CERS6: variants seen among roughly 807,000 people sequenced by gnomAD.
CERS6 encodes the protein LAG1 homolog, ceramide synthase 6.
In CERS6, 26 loss-of-function variants were observed where a neutral mutation model predicts 56.8. That is an observed-to-expected ratio of 0.46 (90% CI 0.34 to 0.63). The LOEUF (loss-of-function observed/expected upper bound fraction) is 0.63. Ranked by LOEUF, CERS6 falls within the 30% of genes least tolerant of loss-of-function variation. The pLI is 0.01. For synonymous variants in CERS6, 164 were observed against 173.3 expected, an observed-to-expected ratio of 0.95 and a Z score of 0.42; for missense variants, 415 against 467.5, an observed-to-expected ratio of 0.89 and a Z score of 1.04.
intron 3 of CERS6, among the ~76,000 whole-genome samples, chr2:168,563,265 C>G (rs1695824895): frequency 6.6e-6 from 1 of 152,144 alleles, no homozygotes; most frequent in African/African-American, 2.4e-5. Context: ...TCTATCTCTT[C>G]TCCATGAATT....
chr2:168,515,053 G>T (rs1694861684), intron 1 of CERS6, among the ~76,000 whole-genome samples: 1 of 152,088 alleles, frequency 6.6e-6, no homozygotes, highest in African/African-American at 2.4e-5. Context: ...TTTGTAATTG[G>T]TTTTTGATAT....
chr2:168,746,781 A>ATG (rs1684109493), intron 8 of CERS6, among the ~76,000 whole-genome samples: 1 of 61,738 alleles, frequency 1.6e-5, no homozygotes, highest in Non-Finnish European at 3.1e-5. Flanking sequence ...AAGGGTATAT[A>ATG]TATATATATA....
intron 1 of CERS6, among the ~76,000 whole-genome samples, chr2:168,462,864 T>G (rs1004973876): frequency 6.6e-5 from 10 of 152,212 alleles, no homozygotes; most frequent in Non-Finnish European, 1.2e-4. Flanking sequence ...TTTTTGGGGT[T>G]TCTTGTTACT....
chr2:168,616,646 A>G (rs772751852), intron 3 of CERS6, among the ~76,000 whole-genome samples: 2 of 152,216 alleles, frequency 1.3e-5, no homozygotes, highest in African/African-American at 2.4e-5. Flanking sequence ...AAAGAGGAAC[A>G]TTATATAATG....
intron 1 of CERS6, among the ~76,000 whole-genome samples, chr2:168,479,440 TGAAGCCATTCCTAGGA>T (rs1189845352): frequency 6.6e-6 from 1 of 152,232 alleles, no homozygotes; most frequent in East Asian, 1.9e-4. Context: ...ATGACAAATT[TGAAGCCATTCCTAGGA>T]GAATCCATTT....
intron 1 of CERS6, among the ~76,000 whole-genome samples, chr2:168,500,590 A>T (rs1292299365): frequency 1.3e-5 from 2 of 152,336 alleles, no homozygotes; most frequent in East Asian, 3.9e-4. Flanking sequence ...TAGGGGGACA[A>T]TTACAAGGAG....
intron 4 of CERS6, among the ~76,000 whole-genome samples, chr2:168,651,316 A>G (rs1685335034): frequency 6.6e-6 from 1 of 152,130 alleles, no homozygotes; most frequent in Non-Finnish European, 1.5e-5. Context: ...ACCAAGCCAC[A>G]TGTTTATTTT....
chr2:168,645,616 G>A (rs909188781), intron 4 of CERS6, among the ~76,000 whole-genome samples: 2 of 152,264 alleles, frequency 1.3e-5, no homozygotes, highest in East Asian at 1.9e-4. Context: ...GGGGTTTGTT[G>A]TATAGATTAT....
intron 6 of CERS6, among the ~76,000 whole-genome samples, chr2:168,714,270 G>A (rs1283958572): frequency 6.6e-6 from 1 of 152,104 alleles, no homozygotes; most frequent in East Asian, 1.9e-4. Flanking sequence ...CATGAATTTG[G>A]TGGGCACACA....
intron 8 of CERS6, among the ~76,000 whole-genome samples, chr2:168,757,958 A>T (rs1684463374): frequency 6.6e-6 from 1 of 152,286 alleles, no homozygotes; most frequent in South Asian, 2.1e-4. Flanking sequence ...CCAAGATGTT[A>T]TTTAAGCCTG....
At chr2:168,638,123 G>C (rs1198222294) in intron 4 of CERS6, among the ~76,000 whole-genome samples, 1 of 151,986 alleles carries the variant, frequency 6.6e-6, no homozygotes, top group Non-Finnish European at 1.5e-5. Flanking sequence ...TTATTTATCT[G>C]CTACTTTCAA....
intron 1 of CERS6, among the ~76,000 whole-genome samples, chr2:168,469,437 G>T (rs76676063): frequency 9.1e-4 from 139 of 152,290 alleles, no homozygotes; most frequent in African/African-American, 3.0e-3. Flanking sequence ...AAACCACAAT[G>T]CTGTATAACG....
At chr2:168,576,878 T>G (rs2105393002) in intron 3 of CERS6, among the ~76,000 whole-genome samples, 1 of 152,330 alleles carries the variant, frequency 6.6e-6, no homozygotes, top group South Asian at 2.1e-4. Context: ...AATTCAAGAA[T>G]GACGCTTGGG....
chr2:168,631,919 C>T (rs1279175833), intron 4 of CERS6, among the ~76,000 whole-genome samples: 1 of 140,108 alleles, frequency 7.1e-6, no homozygotes, highest in Non-Finnish European at 1.5e-5. Flanking sequence ...ATATCTGTCT[C>T]TCTCTCTCTC....
At chr2:168,761,016 C>T (rs1037591094) in intron 8 of CERS6, among the ~76,000 whole-genome samples, 7 of 152,172 alleles carry the variant, frequency 4.6e-5, no homozygotes, top group African/African-American at 1.7e-4. Context: ...CTCGGCCTCC[C>T]AAAGTGCTGG....
intron 9 of CERS6, among the ~76,000 whole-genome samples, chr2:168,766,633 G>C (rs980338166): frequency 2.0e-5 from 3 of 152,182 alleles, no homozygotes; most frequent in African/African-American, 7.2e-5. Flanking sequence ...AGCTTGCCAG[G>C]TACTTGCCAG....
At chr2:168,636,864 AGGAT>A (rs1684871483) in intron 4 of CERS6, among the ~76,000 whole-genome samples, 1 of 152,176 alleles carries the variant, frequency 6.6e-6, no homozygotes, top group Non-Finnish European at 1.5e-5. Flanking sequence ...TGAGAAACCA[AGGAT>A]AATGTGACTG....
rs1553503146 is a variant in CERS6 at position 168,645,116 on chromosome 2, A to AAAT, written c.465+14075_465+14076insATA. On this transcript the variant is annotated intron_variant, in intron 4 of 9. Coordinates refer to ENST00000305747, the MANE Select transcript of CERS6 (RefSeq NM_203463.3). ...AAAAAAAAAAAAAAAAAAAAAAAAA[A>AAAT]ATATATATATATATATATATATATA... is the stretch of plus-strand genomic sequence containing the variant. 5.6e-3 allele frequency among the ~76,000 whole-genome samples: 106 copies of AAAT among 19,028 alleles called. 32 individuals are homozygous for AAAT. Among genetic ancestry groups the AAAT allele is most frequent in the South Asian group, 0.012 (3 of 258 alleles). 12.5% of individuals were successfully genotyped at this position (19,028 alleles called of 152,430 possible).
intron 8 of CERS6, among the ~76,000 whole-genome samples, chr2:168,762,676 T>C (rs1441049146): frequency 6.6e-6 from 1 of 152,224 alleles, no homozygotes; most frequent in East Asian, 1.9e-4. Context: ...TTTAATGACT[T>C]GTAAAATTCA....
Sources: gnomAD v4.1 joint callset for allele counts (sites outside exome capture counted in the v4.1 genomes callset) on GRCh38, gnomAD v4.1.1 for gene constraint, MANE v1.5 for transcripts, NCBI Gene and HGNC (gene_info 2026-07-23, HGNC 2026-07-21) for gene names.